The following KCNMA1 variants were observed in gnomAD, a reference collection of about 807,000 sequenced individuals.
The protein encoded by KCNMA1 is Calcium-activated potassium channel subunit alpha-1.
In KCNMA1, 29 loss-of-function variants were observed where a neutral mutation model predicts 140.0. That is an observed-to-expected ratio of 0.21 (90% CI 0.15 to 0.28). KCNMA1 has a LOEUF of 0.28. KCNMA1 is among the 10% of genes least tolerant of loss of function. The pLI is 1.00. For synonymous variants in KCNMA1, 612 were observed against 611.9 expected (o/e 1.00, Z 0.00); for missense variants, 880 against 1,602.2 (o/e 0.55, Z 7.70).
chr10:77,400,263 G>T (rs1282622718), intron 2 of KCNMA1, among the ~76,000 whole-genome samples: 1 of 152,214 alleles, frequency 6.6e-6, no homozygotes, highest in African/African-American at 2.4e-5. Context: ...ACCGCCTGGA[G>T]CTCTGAGATG....
chr10:77,277,786 C>T (rs1220355607), intron 2 of KCNMA1, among the ~76,000 whole-genome samples: 1 of 152,198 alleles, frequency 6.6e-6, no homozygotes, highest in Non-Finnish European at 1.5e-5. Context: ...GGTCTCCCTG[C>T]TTCTACACTT....
chr10:77,614,815 C>T (rs528761669), intron 1 of KCNMA1, among the ~76,000 whole-genome samples: 1 of 152,304 alleles, frequency 6.6e-6, no homozygotes, highest in African/African-American at 2.4e-5. Context: ...TCAGCTTGGG[C>T]TCCCCCAAGC....
chr10:77,607,060 CTT>C (rs926164276), intron 1 of KCNMA1, among the ~76,000 whole-genome samples: 11 of 152,168 alleles, frequency 7.2e-5, no homozygotes, highest in Non-Finnish European at 1.5e-4. Flanking sequence ...TTCAGGCACT[CTT>C]TTGTCAACTA....
chr10:77,445,563 A>C (rs945156061), intron 1 of KCNMA1, among the ~76,000 whole-genome samples: 7 of 152,146 alleles, frequency 4.6e-5, no homozygotes, highest in African/African-American at 1.7e-4. Context: ...TCTGTAGAGT[A>C]ATTGTTATTT....
Position 76,895,076 on chromosome 10 carries a change from G to A in KCNMA1, c.3148-3357C>T, listed in dbSNP as rs534458502. Among the ~76,000 whole-genome samples, 6 of 152,354 alleles carry A rather than the reference G, an allele frequency of 3.9e-5. No homozygotes were observed. In the South Asian group the frequency reaches 1.2e-3, roughly 32 times the overall value. ...ATGTTATCTATAGATTACAGACATTGTATAGAAAAGCACTGTGAAAATCCC... is the reference window on the plus strand; with the variant it reads ...ATGTTATCTATAGATTACAGACATTATATAGAAAAGCACTGTGAAAATCCC... On this transcript the variant is annotated intron_variant, in intron 25 of 27. Transcript: ENST00000286628.
At chr10:76,880,671 T>G (rs1347288152), downstream of KCNMA1, among the ~76,000 whole-genome samples, 1 of 152,218 alleles carries the variant, frequency 6.6e-6, no homozygotes, top group Non-Finnish European at 1.5e-5. Flanking sequence ...GATAATTTGA[T>G]GTATTGAATC....
chr10:77,065,554 A>G (rs2095903205), intron 14 of KCNMA1, among the ~76,000 whole-genome samples: 1 of 152,178 alleles, frequency 6.6e-6, no homozygotes, highest in South Asian at 2.1e-4. Flanking sequence ...GAAATATACC[A>G]TATTCATAGA....
intron 14 of KCNMA1, among the ~76,000 whole-genome samples, chr10:77,040,846 T>A (rs2153584390): frequency 6.6e-6 from 1 of 152,314 alleles, no homozygotes; most frequent in African/African-American, 2.4e-5. Context: ...ATCACAAAAG[T>A]AAAATGTAGT....
chr10:77,387,205 A>G (rs896877306), intron 2 of KCNMA1, among the ~76,000 whole-genome samples: 4 of 152,230 alleles, frequency 2.6e-5, no homozygotes, highest in African/African-American at 9.6e-5. Flanking sequence ...TCCAAACACT[A>G]AAGAAAGTCT....
chr10:77,240,072 A>G (rs951912750), intron 3 of KCNMA1, among the ~76,000 whole-genome samples: 3 of 152,232 alleles, frequency 2.0e-5, no homozygotes, highest in African/African-American at 7.2e-5. Flanking sequence ...TCCTGGCAGA[A>G]CAGACAGATT....
intron 19 of KCNMA1, among the ~76,000 whole-genome samples, chr10:76,985,339 A>G (rs2080960014): frequency 6.6e-6 from 1 of 152,248 alleles, no homozygotes. Flanking sequence ...ACTTACATAA[A>G]AATAATGTTC....
chr10:77,574,381 GGGATGTGGTCTAAAAAATTTA>G (rs1288503575), intron 1 of KCNMA1, among the ~76,000 whole-genome samples: 1 of 152,070 alleles, frequency 6.6e-6, no homozygotes, highest in Non-Finnish European at 1.5e-5. Flanking sequence ...CTTTAACTGT[GGGATGTGGTCTAAAAAATTTA>G]GGATTTACTG....
At chr10:77,002,695 A>G (rs1468426576) in intron 18 of KCNMA1, among the ~76,000 whole-genome samples, 3 of 152,138 alleles carry the variant, frequency 2.0e-5, no homozygotes. Flanking sequence ...AATGCCCTTC[A>G]CCTTTGCCTT....
chr10:77,353,656 C>A (rs188715476), intron 2 of KCNMA1, among the ~76,000 whole-genome samples: 1 of 151,982 alleles, frequency 6.6e-6, no homozygotes, highest in Non-Finnish European at 1.5e-5. Flanking sequence ...TTAATCCTTA[C>A]AACAACCTAT....
At chr10:77,588,275 G>A (rs1241359480) in intron 1 of KCNMA1, among the ~76,000 whole-genome samples, 1 of 152,188 alleles carries the variant, frequency 6.6e-6, no homozygotes, top group Non-Finnish European at 1.5e-5. Flanking sequence ...GCAGAAAGGG[G>A]CAAGGTAGGA....
intron 19 of KCNMA1, among the ~76,000 whole-genome samples, chr10:76,989,315 C>T (rs2082115339): frequency 6.6e-6 from 1 of 152,146 alleles, no homozygotes; most frequent in Non-Finnish European, 1.5e-5. Context: ...GCTGCGAACT[C>T]ACAGACAGAA....
chr10:77,105,617 C>T (rs1010977887), intron 9 of KCNMA1, among the ~76,000 whole-genome samples: 4 of 152,148 alleles, frequency 2.6e-5, no homozygotes, highest in African/African-American at 9.7e-5. Context: ...GAGCAGAGAA[C>T]ATGTATGTGT....
chr10:77,093,326 A>C (rs1238646918), intron 9 of KCNMA1, among the ~76,000 whole-genome samples: 1 of 152,222 alleles, frequency 6.6e-6, no homozygotes, highest in Non-Finnish European at 1.5e-5. Context: ...GTTATTAGGT[A>C]CATTATCATG....
intron 5 of KCNMA1, among the ~76,000 whole-genome samples, chr10:77,170,762 T>C (rs1342570989): frequency 1.3e-5 from 2 of 152,180 alleles, no homozygotes; most frequent in Non-Finnish European, 2.9e-5. Context: ...GACAAAATAC[T>C]AGTGACTAAT....
Sources: allele counts gnomAD v4.1 joint callset (sites outside exome capture counted in the v4.1 genomes callset), GRCh38; gene constraint gnomAD v4.1.1; transcripts MANE v1.5; gene names NCBI Gene and HGNC (gene_info 2026-07-23, HGNC 2026-07-21).